TNS1: variants seen among roughly 807,000 people sequenced by gnomAD.
TNS1 encodes tensin-1.
TNS1 carries 62 observed loss-of-function variants against 168.6 expected under a neutral mutation model. That is an observed-to-expected ratio of 0.37 (90% CI 0.30 to 0.45). The LOEUF (loss-of-function observed/expected upper bound fraction) is 0.45, where lower values mean the gene tolerates loss of function less well. Among genes scored for constraint, TNS1 ranks in the 20% least tolerant of loss-of-function variants. TNS1 has a pLI of 1.00. For synonymous variants in TNS1, 934 were observed against 933.2 expected, an observed-to-expected ratio of 1.00 and a Z score of -0.02; for missense variants, 2,240 against 2,339.4, an observed-to-expected ratio of 0.96 and a Z score of 0.88.
intron 22 of TNS1, among the ~76,000 whole-genome samples, chr2:217,822,785 T>C (rs1165522033): frequency 6.6e-6 from 1 of 152,152 alleles, no homozygotes; most frequent in Non-Finnish European, 1.5e-5. Flanking sequence ...ATGGCCCGAC[T>C]CCCAGACCGG....
intron 3 of TNS1, among the ~76,000 whole-genome samples, chr2:217,945,983 T>TC (rs1434566283): frequency 2.0e-5 from 3 of 152,082 alleles, no homozygotes; most frequent in African/African-American, 7.2e-5. Context: ...TCCTCCATCT[T>TC]CCCCTTCTCT....
At chr2:217,872,155 G>A (rs1472054972) in intron 18 of TNS1, among the ~76,000 whole-genome samples, 1 of 152,186 alleles carries the variant, frequency 6.6e-6, no homozygotes, top group Non-Finnish European at 1.5e-5. Context: ...AAGTACTTGG[G>A]TCTCAGTTGT....
intron 3 of TNS1, among the ~76,000 whole-genome samples, chr2:217,944,574 C>T (rs1361875054): frequency 6.6e-6 from 1 of 152,242 alleles, no homozygotes; most frequent in Admixed American, 6.5e-5. Flanking sequence ...AGGAATCTCA[C>T]TTCTGAACCT....
At chr2:217,981,025 T>C (rs1002227455) in intron 2 of TNS1, among the ~76,000 whole-genome samples, 8 of 152,190 alleles carry the variant, frequency 5.3e-5, no homozygotes, top group African/African-American at 1.9e-4. Flanking sequence ...TTTTCTGAAG[T>C]TGCCCTGGGT....
At chr2:217,811,149 A>T (rs962829673) in intron 28 of TNS1, among the ~76,000 whole-genome samples, 2 of 152,272 alleles carry the variant, frequency 1.3e-5, no homozygotes, top group South Asian at 2.1e-4. Flanking sequence ...CAAAATTCTG[A>T]AATTATAGGC....
Position 218,026,516 on chromosome 2 carries a change from T to G in TNS1, c.156+7304A>C, listed in dbSNP as rs533203619. Reference sequence around the variant, plus strand: ...GGCCCGAGAATCCTGACCCTGCAAGTGAAAGCTCCTCTACCTCCCCAGGGC... The same window carrying G: ...GGCCCGAGAATCCTGACCCTGCAAGGGAAAGCTCCTCTACCTCCCCAGGGC... On this transcript the variant is annotated intron_variant, in intron 1 of 1. Coordinates refer to the TNS1 transcript ENST00000649572. 1.1e-3 allele frequency among the ~76,000 whole-genome samples: 170 copies of G among 152,122 alleles called. 5 individuals carry two copies. The South Asian group carries it at 0.034, about 31-fold the overall frequency.
chr2:217,928,849 G>C (rs1956170074), intron 3 of TNS1, among the ~76,000 whole-genome samples: 1 of 152,066 alleles, frequency 6.6e-6, no homozygotes, highest in Admixed American at 6.6e-5. Context: ...CCACTGCTAG[G>C]CTCCCTGTCC....
chr2:217,940,331 T>A (rs1210165621), intron 3 of TNS1, among the ~76,000 whole-genome samples: 1 of 152,176 alleles, frequency 6.6e-6, no homozygotes, highest in African/African-American at 2.4e-5. Context: ...GCCCCCCACC[T>A]CCAAACATAT....
intron 18 of TNS1, among the ~76,000 whole-genome samples, chr2:217,870,811 C>T (rs1949708465): frequency 1.3e-5 from 2 of 152,212 alleles, no homozygotes; most frequent in Admixed American, 6.5e-5. Flanking sequence ...CAGAGCAGGG[C>T]CAGCTAAGGG....
In TNS1 at chr2:217,813,149, G is replaced by T; in HGVS notation, c.4954+66C>A. 1 of 1,250,410 alleles carries T rather than the reference G, an allele frequency of 8.0e-7. No individual in the cohort carries two copies. The highest frequency in any genetic ancestry group is 2.5e-5 in the East Asian group (1 of 40,036). 77.5% of individuals were successfully genotyped at this position (1,250,410 alleles called of 1,614,324 possible). On this transcript the variant is annotated intron_variant, in intron 27 of 32. Coordinates refer to ENST00000682258, the MANE Select transcript of TNS1 (RefSeq NM_001387777.1). This position sits in a 1 kb window ranked among gnomAD's most constrained non-coding sequence, Gnocchi z 4.0. Reference sequence around the variant, plus strand: ...GAAAGAACTTGGGGTCAGACCCCTGGAGGAACCCAGGACAGGACCAAGACT... The same window carrying T: ...GAAAGAACTTGGGGTCAGACCCCTGTAGGAACCCAGGACAGGACCAAGACT...
intron 18 of TNS1, among the ~76,000 whole-genome samples, chr2:217,874,258 C>G (rs1950028015): frequency 6.6e-6 from 1 of 152,198 alleles, no homozygotes; most frequent in Non-Finnish European, 1.5e-5. Flanking sequence ...TTTTTAATCA[C>G]ATCCTACAAA....
chr2:217,883,521 T>C (rs1950878647), intron 16 of TNS1, among the ~76,000 whole-genome samples: 1 of 152,174 alleles, frequency 6.6e-6, no homozygotes, highest in Non-Finnish European at 1.5e-5. Context: ...CGCCTTGGCC[T>C]CCCAAAGTGC....
At chr2:217,900,534 C>A in intron 6 of TNS1, 22 bp from the exon 7 acceptor site, 1 of 1,535,486 alleles carries the variant, frequency 6.5e-7, no homozygotes, top group Non-Finnish European at 8.7e-7. Flanking sequence ...AGAAGAGAAG[C>A]AGCATTATGC....
intron 21 of TNS1, among the ~76,000 whole-genome samples, chr2:217,832,327 C>T (rs148841603): frequency 2.0e-5 from 3 of 152,370 alleles, no homozygotes; most frequent in Non-Finnish European, 2.9e-5. Flanking sequence ...TCAGAAAGGG[C>T]TGCTGGCTTT....
chr2:217,894,601 G>A (rs1287167228), intron 9 of TNS1, among the ~76,000 whole-genome samples: 2 of 152,162 alleles, frequency 1.3e-5, no homozygotes, highest in African/African-American at 2.4e-5. Flanking sequence ...AGGTTGTAGT[G>A]AGCTGAGATC....
intron 18 of TNS1, among the ~76,000 whole-genome samples, chr2:217,853,387 A>G (rs1947763923): frequency 6.6e-6 from 1 of 152,142 alleles, no homozygotes; most frequent in African/African-American, 2.4e-5. Context: ...AGATGAGAGG[A>G]GGCTGGACAT....
At chr2:218,018,639 G>T (rs1958782377) in intron 1 of TNS1, among the ~76,000 whole-genome samples, 1 of 152,198 alleles carries the variant, frequency 6.6e-6, no homozygotes, top group African/African-American at 2.4e-5. Flanking sequence ...GTCTCTGAGG[G>T]GCAGACTGAG....
At chr2:217,963,717 G>A (rs1957553488) in intron 3 of TNS1, among the ~76,000 whole-genome samples, 1 of 148,732 alleles carries the variant, frequency 6.7e-6, no homozygotes, top group South Asian at 2.1e-4. Flanking sequence ...AACTCATCAC[G>A]TGAGCCATGA....
At chr2:217,959,055 A>T (rs1957432588) in intron 3 of TNS1, among the ~76,000 whole-genome samples, 1 of 152,154 alleles carries the variant, frequency 6.6e-6, no homozygotes, top group African/African-American at 2.4e-5. Flanking sequence ...CTGAAGGGGA[A>T]CCTAGTGCTG....
Sources: allele counts gnomAD v4.1 joint callset (sites outside exome capture counted in the v4.1 genomes callset), GRCh38; gene constraint gnomAD v4.1.1; non-coding constraint Gnocchi (gnomAD v3.1); transcripts MANE v1.5; gene names NCBI Gene and HGNC (gene_info 2026-07-23, HGNC 2026-07-21).